Variants in TMEM165 observed in about 807,000 individuals in gnomAD.
The protein encoded by TMEM165 is transmembrane protein 165, also known as putative divalent cation/proton antiporter TMEM165.
TMEM165 carries 19 observed loss-of-function variants against 30.0 expected under a neutral mutation model. That is an observed-to-expected ratio of 0.63 (90% confidence interval 0.44 to 0.93). The LOEUF (loss-of-function observed/expected upper bound fraction) is 0.93, where lower values mean the gene tolerates loss of function less well. Among genes scored for constraint, TMEM165 ranks in the 40% least tolerant of loss-of-function variants. The pLI is 0.00. For synonymous variants in TMEM165, 168 were observed against 162.9 expected, an observed-to-expected ratio of 1.03 and a Z score of -0.24; for missense variants, 340 against 417.0, an observed-to-expected ratio of 0.82 and a Z score of 1.61.
intron 4 of TMEM165, among the ~76,000 whole-genome samples, chr4:55,420,769 C>T (rs76082727): frequency 0.027 from 4,127 of 152,226 alleles, 198 homozygotes; most frequent in African/African-American, 0.094. Flanking sequence ...ATTTAATGTT[C>T]CCAAATTGGA....
intron 1 of TMEM165, among the ~76,000 whole-genome samples, chr4:55,399,832 C>T (rs571553110): frequency 6.6e-6 from 1 of 152,096 alleles, no homozygotes; most frequent in African/African-American, 2.4e-5. Context: ...TTCTGAGTAG[C>T]TGGGAAGGGA....
At chr4:55,396,524 G>C in intron 1 of TMEM165, 128 bp downstream of exon 1, 3 of 773,940 alleles carry the variant, frequency 3.9e-6, no homozygotes, top group Non-Finnish European at 5.6e-6. Flanking sequence ...CCCTGCTCCC[G>C]GGGTGGAGGG....
At chr4:55,449,008 T>G (rs1161700739) in intron 3 of TMEM165, 3 of 711,290 alleles carry the variant, frequency 4.2e-6, no homozygotes, top group Admixed American at 4.7e-5. Flanking sequence ...CAGCTATGTC[T>G]TCTCATCTAT....
chr4:55,438,894 G>A (rs1723118492), intron 3 of TMEM165, among the ~76,000 whole-genome samples: 2 of 152,254 alleles, frequency 1.3e-5, no homozygotes, highest in Admixed American at 1.3e-4. Context: ...AGAAAACATA[G>A]GGGAAAAGCT....
At chr4:55,418,777 T>A (rs1173223343) in intron 4 of TMEM165, among the ~76,000 whole-genome samples, 1 of 152,106 alleles carries the variant, frequency 6.6e-6, no homozygotes, top group Non-Finnish European at 1.5e-5. Context: ...CCGGGTGCCG[T>A]CCCTCACGCC....
intron 3 of TMEM165, chr4:55,449,629 T>A (rs1724245725): frequency 2.7e-6 from 2 of 742,194 alleles, no homozygotes; most frequent in South Asian, 1.6e-5. Context: ...GAAAGTGAAG[T>A]CCATGACAGA....
At chr4:55,400,272 A>AATATTATATATTATATATAATATTAT (rs1720911678) in intron 1 of TMEM165, among the ~76,000 whole-genome samples, 4 of 83,176 alleles carry the variant, frequency 4.8e-5, no homozygotes, top group East Asian at 4.6e-4. Context: ...TATAATATAT[A>AATATTATATATTATATATAATATTAT]ATATAATATT....
At chr4:55,445,614 A>C in intron 3 of TMEM165, among the ~76,000 whole-genome samples, 1 of 63,338 alleles carries the variant, frequency 1.6e-5, no homozygotes, top group African/African-American at 4.9e-5. Context: ...TTTTTGAGAC[A>C]GGATCTCACT....
chr4:55,433,070 CAATA>C (rs1443370558), intron 3 of TMEM165: 1 of 152,424 alleles, frequency 6.6e-6, no homozygotes, highest in African/African-American at 2.4e-5. Context: ...TAGGTATTGC[CAATA>C]AATAAATGAG....
intron 3 of TMEM165, chr4:55,417,556 A>T (rs942573060): frequency 7.3e-6 from 4 of 546,766 alleles, no homozygotes; most frequent in Non-Finnish European, 9.6e-6. Context: ...GGTGTCTAGG[A>T]TAGTAAGTGA....
In TMEM165 at chr4:55,445,165, A is replaced by T. The variant is rs960568111; in HGVS notation, c.409-7074A>T. ...TGGTCTGGTTATTGTTAATTTCTGA[A>T]ATCAAAGTTGTGTGCCCTGAAATGT... is the stretch of plus-strand genomic sequence containing the variant. On this transcript the variant is annotated intron_variant, in intron 3 of 3. Transcript: ENST00000608091. 1.0e-4 allele frequency among the ~76,000 whole-genome samples: 7 copies of T among 68,786 alleles called. 1 individual carries two copies. Among genetic ancestry groups the T allele is most frequent in the African/African-American group, 2.2e-4 (6 of 26,752 alleles). 45.1% of individuals were successfully genotyped at this position (68,786 alleles called of 152,430 possible). A position where few individuals can be genotyped will look rare whatever the true frequency, so the allele number is the denominator to read the frequency against.
intron 1 of TMEM165, 35 bp downstream of exon 1, chr4:55,396,431 G>A: frequency 7.2e-7 from 1 of 1,392,642 alleles, no homozygotes; most frequent in Non-Finnish European, 9.2e-7. Flanking sequence ...CGAGGCTGCA[G>A]GGCCGGCTGC....
At chr4:55,437,606 CTTATA>C (rs151064212) in intron 3 of TMEM165, among the ~76,000 whole-genome samples, 1 of 152,262 alleles carries the variant, frequency 6.6e-6, no homozygotes, top group African/African-American at 2.4e-5. Flanking sequence ...TGTGCCTTGT[CTTATA>C]TTCAGTGATT....
chr4:55,418,375 T>C (rs1164996063), intron 4 of TMEM165, among the ~76,000 whole-genome samples: 1 of 152,150 alleles, frequency 6.6e-6, no homozygotes, highest in East Asian at 1.9e-4. Flanking sequence ...AATGTGTAGC[T>C]AGCCGGGCTT....
At position 55,402,043 on chromosome 4, in the gene TMEM165, G is replaced by A. The variant is rs1379594785; in HGVS notation, c.207+5647G>A. On this transcript the variant is annotated intron_variant, in intron 1 of 5. Transcript: ENST00000381334. ...TGAGGCAGGAGAATCGCTTGAGCCCGGGAGGTGGAGGTTGCAGTGAACCAA... is the reference window on the plus strand; with the variant it reads ...TGAGGCAGGAGAATCGCTTGAGCCCAGGAGGTGGAGGTTGCAGTGAACCAA... Among the ~76,000 whole-genome samples the A allele has an allele frequency of 1.0e-4, 15 of 145,920 alleles. No homozygotes were observed. The South Asian group carries it at 1.1e-3, about 10-fold the overall frequency.
At chr4:55,399,488 CTA>C (rs1172637860) in intron 1 of TMEM165, among the ~76,000 whole-genome samples, 1 of 152,144 alleles carries the variant, frequency 6.6e-6, no homozygotes, top group Non-Finnish European at 1.5e-5. Flanking sequence ...AAAACAATAA[CTA>C]TTTTGGATTA....
chr4:55,407,716 A>G (rs1473111107), intron 1 of TMEM165, among the ~76,000 whole-genome samples: 2 of 152,336 alleles, frequency 1.3e-5, no homozygotes, highest in Non-Finnish European at 2.9e-5. Context: ...AGAATCAAGT[A>G]TTTGGTATGA....
At chr4:55,400,365 A>AT (rs1267597577) in intron 1 of TMEM165, among the ~76,000 whole-genome samples, 68 of 51,986 alleles carry the variant, frequency 1.3e-3, no homozygotes, top group Non-Finnish European at 2.4e-3. Flanking sequence ...TAATATAATT[A>AT]ATTATATTAA....
intron 1 of TMEM165, among the ~76,000 whole-genome samples, chr4:55,407,242 A>G (rs1290221504): frequency 1.3e-5 from 2 of 152,092 alleles, no homozygotes; most frequent in South Asian, 4.1e-4. Context: ...GAAGGGAAAA[A>G]GGACTGTGTG....
Sources: gnomAD v4.1 joint callset for allele counts (sites outside exome capture counted in the v4.1 genomes callset) on GRCh38, gnomAD v4.1.1 for gene constraint, MANE v1.5 for transcripts, NCBI Gene and HGNC (gene_info 2026-07-23, HGNC 2026-07-21) for gene names.